STK32A: variants seen among roughly 807,000 people sequenced by gnomAD.
STK32A encodes serine/threonine-protein kinase 32A.
A neutral mutation model predicts 53.2 loss-of-function variants in STK32A; 41 were observed. That is an observed-to-expected ratio of 0.77 (90% CI 0.60 to 1.00). STK32A has a LOEUF of 1.00. Ranked by LOEUF, STK32A falls within the 50% of genes least tolerant of loss-of-function variation. The pLI, the probability that STK32A is intolerant of heterozygous loss-of-function variation, is 0.00. For missense variants in STK32A, 458 were observed against 485.8 expected (o/e 0.94, Z 0.54); for synonymous variants, 166 against 162.8 (o/e 1.02, Z -0.15).
chr5:147,391,992 G>T (rs1304829365), downstream of STK32A: 1 of 152,216 alleles, frequency 6.6e-6, no homozygotes, highest in African/African-American at 2.4e-5. Flanking sequence ...AGAGCAGAGA[G>T]TGCAGAAGTG....
chr5:147,360,200 A>G (rs1190056494), intron 7 of STK32A, among the ~76,000 whole-genome samples: 1 of 152,156 alleles, frequency 6.6e-6, no homozygotes, highest in Non-Finnish European at 1.5e-5. Context: ...CTGTAATCCC[A>G]GTACTTTAGG....
In STK32A at chr5:147,351,167, T is replaced by C. The variant is rs755722729; in HGVS notation, c.562+13T>C. 4 of 1,606,060 alleles carry C rather than the reference T, an allele frequency of 2.5e-6. No individual in the cohort carries two copies. In the South Asian group the frequency reaches 3.3e-5, roughly 13 times the overall value. On this transcript the variant is annotated intron_variant, in intron 7 of 12. Coordinates refer to ENST00000397936, the MANE Select transcript of STK32A (RefSeq NM_001112724.2). Reference sequence around the variant, plus strand: ...AAGCCTTACATGGGTATGGGTTTCATGAGTGTCTTTTTTTTTTCTTTCCTG... The same window carrying C: ...AAGCCTTACATGGGTATGGGTTTCACGAGTGTCTTTTTTTTTTCTTTCCTG...
chr5:147,339,501 A>T (rs1181811019), intron 5 of STK32A, among the ~76,000 whole-genome samples: 1 of 152,366 alleles, frequency 6.6e-6, no homozygotes, highest in East Asian at 1.9e-4. Context: ...CTAGGGCACC[A>T]CCTAGTGGAG....
intron 2 of STK32A, among the ~76,000 whole-genome samples, chr5:147,251,809 A>G (rs570721812): frequency 6.6e-6 from 1 of 152,314 alleles, no homozygotes; most frequent in South Asian, 2.1e-4. Context: ...CCCTGGAGTT[A>G]ATCATCCAGT....
At chr5:147,288,136 T>C (rs1239150322) in intron 4 of STK32A, among the ~76,000 whole-genome samples, 2 of 152,100 alleles carry the variant, frequency 1.3e-5, no homozygotes, top group African/African-American at 4.8e-5. Flanking sequence ...AACCTCACAG[T>C]GGAACACTAG....
chr5:147,324,176 TA>T, intron 5 of STK32A, 105 bp downstream of exon 5: 1 of 1,195,572 alleles, frequency 8.4e-7, no homozygotes, highest in Non-Finnish European at 1.1e-6. Context: ...AATCCCCGTT[TA>T]ATTCTTGAAA....
chr5:147,279,534 G>T, intron 4 of STK32A, 136 bp downstream of exon 4: 3 of 752,112 alleles, frequency 4.0e-6, no homozygotes, highest in Non-Finnish European at 4.2e-6. Context: ...AGAGTTCAAG[G>T]ATGAGTTGGA....
chr5:147,338,653 A>C (rs1438160225), intron 5 of STK32A, among the ~76,000 whole-genome samples: 1 of 152,216 alleles, frequency 6.6e-6, no homozygotes, highest in African/African-American at 2.4e-5. Context: ...TAGTGATATG[A>C]ATGAAAAAGT....
At chr5:147,366,833 G>T (rs999570495) in intron 8 of STK32A, among the ~76,000 whole-genome samples, 1 of 148,910 alleles carries the variant, frequency 6.7e-6, no homozygotes. Context: ...AGATAGATGT[G>T]TTGTTTTAGC....
intron 4 of STK32A, among the ~76,000 whole-genome samples, chr5:147,298,602 T>C (rs1209795726): frequency 6.6e-6 from 1 of 152,234 alleles, no homozygotes; most frequent in Non-Finnish European, 1.5e-5. Flanking sequence ...TTTTAGATAG[T>C]TGAACTGCCT....
At chr5:147,331,453 C>T (rs1022670871) in intron 5 of STK32A, among the ~76,000 whole-genome samples, 4 of 152,182 alleles carry the variant, frequency 2.6e-5, no homozygotes, top group Non-Finnish European at 5.9e-5. Context: ...GACGCTCTTA[C>T]TTTCACTCTT....
intron 7 of STK32A, among the ~76,000 whole-genome samples, chr5:147,361,069 G>A (rs1229461858): frequency 6.6e-6 from 1 of 152,160 alleles, no homozygotes; most frequent in Non-Finnish European, 1.5e-5. Flanking sequence ...GCTTCCAGGT[G>A]ACTCTGAGAT....
intron 5 of STK32A, among the ~76,000 whole-genome samples, chr5:147,329,416 T>C (rs946170123): frequency 3.9e-5 from 6 of 152,258 alleles, no homozygotes; most frequent in African/African-American, 9.6e-5. Flanking sequence ...TCAAAAATTA[T>C]TTACTGGGTA....
chr5:147,383,827 G>T, intron 12 of STK32A, 63 bp from the exon 13 acceptor site: 1 of 1,316,670 alleles, frequency 7.6e-7, no homozygotes, highest in Admixed American at 2.7e-5. Flanking sequence ...TATTTCAAAA[G>T]CTTAAACCTT....
At chr5:147,303,909 A>G (rs1026569266) in intron 4 of STK32A, among the ~76,000 whole-genome samples, 2 of 152,222 alleles carry the variant, frequency 1.3e-5, no homozygotes, top group African/African-American at 4.8e-5. Flanking sequence ...ATGTTGACTG[A>G]CTGATGAACA....
At chr5:147,305,556 C>G (rs1753365676) in intron 4 of STK32A, among the ~76,000 whole-genome samples, 1 of 152,048 alleles carries the variant, frequency 6.6e-6, no homozygotes, top group Non-Finnish European at 1.5e-5. Context: ...AGAGCCAACT[C>G]CACATGGTGG....
chr5:147,335,611 C>T (rs1755075570), intron 5 of STK32A, among the ~76,000 whole-genome samples: 1 of 152,178 alleles, frequency 6.6e-6, no homozygotes, highest in Non-Finnish European at 1.5e-5. Flanking sequence ...TCCTCAGAAG[C>T]CCAGAACATA....
intron 5 of STK32A, 140 bp downstream of exon 5, chr5:147,324,211 G>A (rs1236166116): frequency 5.5e-6 from 5 of 904,768 alleles, no homozygotes; most frequent in East Asian, 5.6e-5. Context: ...TAGGTTGATT[G>A]TCTTCATTTT....
At chr5:147,273,694 AT>A (rs1304412719) in intron 2 of STK32A, among the ~76,000 whole-genome samples, 2 of 152,308 alleles carry the variant, frequency 1.3e-5, no homozygotes, top group East Asian at 3.9e-4. Context: ...CACAAAGGAG[AT>A]AGAATTGTCT....
Sources: gnomAD v4.1 joint callset for allele counts (sites outside exome capture counted in the v4.1 genomes callset) on GRCh38, gnomAD v4.1.1 for gene constraint, MANE v1.5 for transcripts, NCBI Gene and HGNC (gene_info 2026-07-23, HGNC 2026-07-21) for gene names.